The following VAC14 variants were observed in gnomAD, a reference collection of about 807,000 sequenced individuals.
VAC14 encodes protein VAC14 homolog.
In VAC14, 47 loss-of-function variants were observed where a neutral mutation model predicts 85.3. That is an observed-to-expected ratio of 0.55 (90% confidence interval 0.44 to 0.70). VAC14 has a LOEUF of 0.70. Ranked by LOEUF, VAC14 falls within the 30% of genes least tolerant of loss-of-function variation. The pLI, the probability that VAC14 is intolerant of heterozygous loss-of-function variation, is 0.00. For missense variants in VAC14, 861 were observed against 1,004.3 expected (o/e 0.86, Z 1.93); for synonymous variants, 447 against 430.5 (o/e 1.04, Z -0.47).
chr16:70,690,377 A>G, intron 18 of VAC14: 1 of 985,388 alleles, frequency 1.0e-6, no homozygotes, highest in South Asian at 4.7e-5. Context: ...GTCCATAACC[A>G]CCCTCGGGCA....
Position 70,800,847 on chromosome 16 carries a change from G to A in VAC14, c.54C>T (p.Leu18=). 6.2e-7 allele frequency: 1 copy of A among 1,609,386 alleles called. No homozygotes were observed. Among genetic ancestry groups the A allele is most frequent in the African/African-American group, 1.3e-5 (1 of 74,362 alleles). Residue 18 remains leucine (L), a synonymous_variant, in exon 1 of 19, where the codon CTC becomes CTT. Coordinates refer to ENST00000261776, the MANE Select transcript of VAC14 (RefSeq NM_018052.5). ...APLTPNIVRA[L]NDKLYEKRKV... ...TCCGCTTTTCGTACAGCTTGTCATT[G>A]AGGGCGCGCACGATGTTAGGCGTGA... is the stretch of plus-strand genomic sequence containing the variant.
chr16:70,712,990 T>C (rs1338088554), intron 14 of VAC14, among the ~76,000 whole-genome samples: 3 of 152,128 alleles, frequency 2.0e-5, no homozygotes, highest in African/African-American at 4.8e-5. Flanking sequence ...GGTTTAACAA[T>C]GGAAACATGC....
chr16:70,747,205 G>A (rs1184190120), intron 12 of VAC14: 4 of 152,102 alleles, frequency 2.6e-5, no homozygotes, highest in South Asian at 2.1e-4. Context: ...AACACCTGCC[G>A]AGAAGCCAGC....
At chr16:70,777,559 C>T (rs1461905200) in intron 9 of VAC14, among the ~76,000 whole-genome samples, 2 of 152,180 alleles carry the variant, frequency 1.3e-5, no homozygotes, top group Non-Finnish European at 2.9e-5. Flanking sequence ...GCCATAAGAG[C>T]TCAGAACCAG....
rs1413571677 is a variant in VAC14, at chr16:70,761,016, T to TGTGTGTGTGTGTGTGTGTGTGTGTGTGC, written c.1371+1523_1371+1524insGCACACACACACACACACACACACACAC. 14 of 300,882 alleles carry TGTGTGTGTGTGTGTGTGTGTGTGTGTGC rather than the reference T, an allele frequency of 4.7e-5. No homozygotes were observed. In the African/African-American group the frequency reaches 5.4e-4, roughly 12 times the overall value. The allele number at this position is 300,882 out of a possible 1,614,324, so 18.6% of individuals were successfully genotyped here. A position where few individuals can be genotyped will look rare whatever the true frequency, so the allele number is the denominator to read the frequency against. On this transcript the variant is annotated intron_variant, in intron 12 of 18. Coordinates refer to ENST00000261776, the MANE Select transcript of VAC14 (RefSeq NM_018052.5). ...GTGTGTGTGTGTGTGTGTGTGTGTG[T>TGTGTGTGTGTGTGTGTGTGTGTGTGTGC]GTGCATGGGGGGGCGGGGGGTAGGC...
intron 12 of VAC14, among the ~76,000 whole-genome samples, chr16:70,753,077 A>G (rs1479659291): frequency 6.6e-6 from 1 of 151,770 alleles, no homozygotes; most frequent in Admixed American, 6.6e-5. Context: ...ACAAGGCTTC[A>G]TGGAGCATAT....
chr16:70,800,791 T>C lies in VAC14; in HGVS notation c.104+6A>G. The C allele has an allele frequency of 6.2e-7, 1 of 1,609,818 alleles. No individual in the cohort carries two copies. The highest frequency in any genetic ancestry group is 8.5e-7 in the Non-Finnish European group (1 of 1,178,054). ...ATAGCCAGGGAGGGGTCCTGGCGGC[T>C]CTTACTTCTCGATCTCCAGCGCTGC... On this transcript the variant is annotated splice_donor_region_variant and intron_variant, in intron 1 of 18. Transcript: ENST00000261776.
chr16:70,739,566 T>G (rs2030054409), intron 13 of VAC14, among the ~76,000 whole-genome samples: 1 of 150,686 alleles, frequency 6.6e-6, no homozygotes, highest in Non-Finnish European at 1.5e-5. Context: ...GGGTGAGGAG[T>G]GTGGGCTCTC....
chr16:70,717,758 C>T (rs780043049), intron 14 of VAC14, among the ~76,000 whole-genome samples: 8 of 152,190 alleles, frequency 5.3e-5, no homozygotes, highest in Admixed American at 5.2e-4. Context: ...GCCTCCCTCT[C>T]GCCTCAGCCT....
At chr16:70,731,155 C>T in intron 14 of VAC14, 1 of 477,652 alleles carries the variant, frequency 2.1e-6, no homozygotes, top group Non-Finnish European at 2.9e-6. Context: ...AGCACAGCCC[C>T]ATGTCCCACG....
At chr16:70,743,611 T>C (rs964409985) in intron 13 of VAC14, among the ~76,000 whole-genome samples, 1 of 152,140 alleles carries the variant, frequency 6.6e-6, no homozygotes, top group African/African-American at 2.4e-5. Context: ...CACACCATCT[T>C]TAAGAGCTGT....
chr16:70,781,143 G>A (rs1037171635), intron 8 of VAC14, among the ~76,000 whole-genome samples: 7 of 152,014 alleles, frequency 4.6e-5, no homozygotes, highest in Non-Finnish European at 8.8e-5. Flanking sequence ...TTATTCATGA[G>A]GGGGCTCGTT....
At chr16:70,690,177 T>G in intron 18 of VAC14, 2 of 985,442 alleles carry the variant, frequency 2.0e-6, no homozygotes, top group Non-Finnish European at 2.4e-6. Context: ...CCCTGGGCCC[T>G]TAGGGTGGCA....
chr16:70,787,086 A>G (rs1025412517), intron 1 of VAC14, among the ~76,000 whole-genome samples: 1 of 152,164 alleles, frequency 6.6e-6, no homozygotes, highest in Non-Finnish European at 1.5e-5. Flanking sequence ...ACAGGTAAAG[A>G]AAAGATGAGC....
chr16:70,768,136 T>C (rs1484447603), intron 10 of VAC14, among the ~76,000 whole-genome samples: 1 of 152,214 alleles, frequency 6.6e-6, no homozygotes, highest in East Asian at 1.9e-4. Context: ...CCAGCCTGCC[T>C]TGGCCTCCCA....
In VAC14 at chr16:70,780,866, A is replaced by G. The variant is rs756611909; in HGVS notation, c.1020T>C (p.Asp340=). 8 of 1,613,964 alleles carry G rather than the reference A, an allele frequency of 5.0e-6. No homozygotes were observed. The highest frequency in any genetic ancestry group is 1.1e-5 in the South Asian group (1 of 91,070). The change falls in exon 9 of 19, where the codon GAT becomes GAC. Residue 340 remains aspartate, a synonymous_variant. Transcript: ENST00000261776. The part of the protein sequence containing the change: ...KLVTPEDDEL[D]ELRPGQRQAE... ...CCTGCCTCTGCCCAGGTCTCAGCTC[A>G]TCCAGCTCGTCGTCCTCGGGGGTGA...
rs2033162088 is a variant in VAC14, at chr16:70,770,803, T to C, written c.1160+1306A>G. 4 of 152,196 alleles carry C rather than the reference T, an allele frequency of 2.6e-5. No homozygotes were observed. In the South Asian group the frequency reaches 8.3e-4, roughly 31 times the overall value. 9.4% of individuals were successfully genotyped at this position (152,196 alleles called of 1,614,324 possible). On this transcript the variant is annotated intron_variant, in intron 10 of 18. Transcript: ENST00000261776. ...TGGCAGCTATGTGAAAAGGAGAGAA[T>C]GGCAACATTCGCTGATCTCCTCCAT... is the stretch of plus-strand genomic sequence containing the variant.
chr16:70,781,054 C>A, intron 8 of VAC14, 115 bp from the exon 9 acceptor site: 1 of 1,443,642 alleles, frequency 6.9e-7, no homozygotes, highest in South Asian at 1.2e-5. Flanking sequence ...GGGTTTCGGT[C>A]ATGGGGGTGG....
chr16:70,765,936 A>G (rs2032773192), intron 10 of VAC14, among the ~76,000 whole-genome samples: 1 of 152,152 alleles, frequency 6.6e-6, no homozygotes, highest in Non-Finnish European at 1.5e-5. Context: ...GTTTGAGACC[A>G]GCTTGGGCAA....
Sources: gnomAD v4.1 joint callset for allele counts (sites outside exome capture counted in the v4.1 genomes callset) on GRCh38, gnomAD v4.1.1 for gene constraint, MANE v1.5 for transcripts, NCBI Gene and HGNC (gene_info 2026-07-23, HGNC 2026-07-21) for gene names.